Variants in PLD5 observed in about 807,000 individuals in gnomAD.
PLD5 encodes phospholipase D family member 5.
PLD5 carries 36 observed loss-of-function variants against 61.1 expected under a neutral mutation model. That is an observed-to-expected ratio of 0.59 (90% CI 0.45 to 0.78). The LOEUF (loss-of-function observed/expected upper bound fraction) is 0.78, where lower values mean the gene tolerates loss of function less well. Ranked by LOEUF, PLD5 falls within the 30% of genes least tolerant of loss-of-function variation. The probability of loss-of-function intolerance (pLI) is 0.00; values close to 1 mark genes in which losing one functional copy is unlikely to be tolerated. For missense variants in PLD5, 515 were observed against 644.4 expected (o/e 0.80, Z 2.17); for synonymous variants, 243 against 242.8 (o/e 1.00, Z -0.01).
At chr1:242,237,812 A>G (rs1167270558) in intron 4 of PLD5, among the ~76,000 whole-genome samples, 1 of 152,210 alleles carries the variant, frequency 6.6e-6, no homozygotes, top group Non-Finnish European at 1.5e-5. Context: ...TTAAAACAAA[A>G]CAAGATTCTC....
At chr1:242,237,611 G>A (rs1671724031) in intron 4 of PLD5, among the ~76,000 whole-genome samples, 1 of 152,178 alleles carries the variant, frequency 6.6e-6, no homozygotes, top group Non-Finnish European at 1.5e-5. Context: ...ACAGCCACGT[G>A]CCTAAAAGAT....
chr1:242,319,173 G>A (rs907613067), intron 2 of PLD5, among the ~76,000 whole-genome samples: 3 of 151,988 alleles, frequency 2.0e-5, no homozygotes, highest in Admixed American at 6.6e-5. Flanking sequence ...AGACAATACT[G>A]AATCACCCAC....
At chr1:242,198,421 C>T (rs1668776920) in intron 5 of PLD5, among the ~76,000 whole-genome samples, 3 of 151,308 alleles carry the variant, frequency 2.0e-5, no homozygotes, top group Non-Finnish European at 4.4e-5. Flanking sequence ...AGAAGCAACT[C>T]CCCAGTGACC....
At chr1:242,453,032 T>A (rs932264708) in intron 1 of PLD5, among the ~76,000 whole-genome samples, 3 of 152,212 alleles carry the variant, frequency 2.0e-5, no homozygotes, top group African/African-American at 7.2e-5. Flanking sequence ...TTTACAAATT[T>A]CACGATTGTC....
At chr1:242,376,903 C>A in intron 1 of PLD5, 1 of 1,585,898 alleles carries the variant, frequency 6.3e-7, no homozygotes, top group Non-Finnish European at 8.6e-7. Flanking sequence ...CAGGGATTTT[C>A]CTCATGGATC....
At chr1:242,091,063 A>G (rs1194570269) in intron 9 of PLD5, among the ~76,000 whole-genome samples, 1 of 151,472 alleles carries the variant, frequency 6.6e-6, no homozygotes, top group Non-Finnish European at 1.5e-5. Flanking sequence ...TCTCTATGAC[A>G]TTTTCTGTCT....
intron 1 of PLD5, chr1:242,377,063 G>A: frequency 6.2e-7 from 1 of 1,611,788 alleles, no homozygotes; most frequent in Non-Finnish European, 8.5e-7. Flanking sequence ...CATCAGGGGA[G>A]TCATCCTCGT....
At chr1:242,377,045 C>G in intron 1 of PLD5, 1 of 1,611,772 alleles carries the variant, frequency 6.2e-7, no homozygotes, top group South Asian at 1.1e-5. Flanking sequence ...TTCTGTCTGA[C>G]ACGGTGCCAT....
intron 1 of PLD5, among the ~76,000 whole-genome samples, chr1:242,396,394 C>T (rs1407499859): frequency 3.3e-5 from 5 of 152,206 alleles, no homozygotes; most frequent in African/African-American, 4.8e-5. Context: ...AAAAGAAATG[C>T]CCTCCTGACC....
intron 5 of PLD5, among the ~76,000 whole-genome samples, chr1:242,150,935 C>G (rs1664880930): frequency 6.6e-6 from 1 of 151,434 alleles, no homozygotes; most frequent in African/African-American, 2.4e-5. Flanking sequence ...ATTTCTGTCT[C>G]TATCCTCAGC....
rs1219012572 is a variant in PLD5 at position 242,089,260 on chromosome 1, T to G, written c.*594A>C. The G allele has an allele frequency of 1.5e-5, 6 of 398,794 alleles. No individual in the cohort carries two copies. Among genetic ancestry groups the G allele is most frequent in the Non-Finnish European group, 2.2e-5 (5 of 226,360 alleles). The allele number at this position is 398,794 out of a possible 1,614,324, so 24.7% of individuals were successfully genotyped here. On this transcript the variant is annotated 3_prime_UTR_variant, in exon 10 of 10. Transcript: ENST00000536534. ...AAAATGCTATATAATAGGAACATTT[T>G]GTGAGAAGAGAAAATGATACCAAAT...
intron 1 of PLD5, among the ~76,000 whole-genome samples, chr1:242,438,935 T>C (rs1666142255): frequency 6.7e-6 from 1 of 148,330 alleles, no homozygotes; most frequent in African/African-American, 2.4e-5. Flanking sequence ...AGCTGCCCCT[T>C]CCCCAGCTTG....
chr1:242,370,517 C>A (rs1042661541), intron 1 of PLD5, among the ~76,000 whole-genome samples: 1 of 151,972 alleles, frequency 6.6e-6, no homozygotes, highest in African/African-American at 2.4e-5. Context: ...GGGGAGGGGG[C>A]ATTAATGGCT....
chr1:242,153,347 T>C (rs1665092526), intron 5 of PLD5, among the ~76,000 whole-genome samples: 1 of 152,156 alleles, frequency 6.6e-6, no homozygotes, highest in Non-Finnish European at 1.5e-5. Context: ...AGGAGCTCTT[T>C]AGTTTAATTA....
At chr1:242,100,468 A>G (rs1660595374) in intron 9 of PLD5, among the ~76,000 whole-genome samples, 200 bp downstream of exon 9, 1 of 152,246 alleles carries the variant, frequency 6.6e-6, no homozygotes, top group Non-Finnish European at 1.5e-5. Context: ...CTTCTAGTAC[A>G]TAAATCAGGC....
intron 5 of PLD5, among the ~76,000 whole-genome samples, chr1:242,196,376 T>C (rs10803021): frequency 0.18 from 27,693 of 152,126 alleles, 3,043 homozygotes; most frequent in East Asian, 0.47. Context: ...TTACAACCGA[T>C]ACCCTGCAGG....
At chr1:242,405,726 C>T (rs1664201966) in intron 1 of PLD5, among the ~76,000 whole-genome samples, 1 of 152,024 alleles carries the variant, frequency 6.6e-6, no homozygotes, top group Non-Finnish European at 1.5e-5. Context: ...CTCAGCCTCC[C>T]AAGTAGCTGG....
At chr1:242,306,768 C>T (rs376362623) in intron 2 of PLD5, among the ~76,000 whole-genome samples, 2,004 of 136,230 alleles carry the variant, frequency 0.015, 62 homozygotes, top group African/African-American at 0.042. Context: ...CACACACACA[C>T]ACACACACAC....
At chr1:242,270,634 C>A (rs1558416696) in intron 3 of PLD5, among the ~76,000 whole-genome samples, 1 of 152,216 alleles carries the variant, frequency 6.6e-6, no homozygotes, top group Non-Finnish European at 1.5e-5. Context: ...GAGGGACACT[C>A]AATTACCAGC....
Sources: allele counts gnomAD v4.1 joint callset (sites outside exome capture counted in the v4.1 genomes callset), GRCh38; gene constraint gnomAD v4.1.1; transcripts MANE v1.5; gene names NCBI Gene and HGNC (gene_info 2026-07-23, HGNC 2026-07-21).